The following WNT7B variants were observed in gnomAD, a reference collection of about 807,000 sequenced individuals.
WNT7B encodes the protein Wnt family member 7B.
WNT7B carries 19 observed loss-of-function variants against 38.2 expected under a neutral mutation model. That is an observed-to-expected ratio of 0.50 (90% confidence interval 0.35 to 0.73). The LOEUF is 0.73. WNT7B is among the 30% of genes least tolerant of loss of function. The pLI is 0.01. For missense variants in WNT7B, 423 were observed against 507.9 expected, an observed-to-expected ratio of 0.83 and a Z score of 1.61; for synonymous variants, 243 against 209.3, an observed-to-expected ratio of 1.16 and a Z score of -1.39.
rs1013904530 is a variant in WNT7B, at chr22:45,970,990, GCAT to G, written c.71+5691_71+5693del. Among the ~76,000 whole-genome samples the G allele has an allele frequency of 5.6e-4, 85 of 152,390 alleles. 1 individual carries two copies. Among genetic ancestry groups the G allele is most frequent in the African/African-American group, 1.9e-3 (80 of 41,596 alleles). ...AGCCCGGGAAACCGCGGGCCTCGCA[GCAT>G]CTGGCTGCGGTTGCGAACTTTTGTT... On this transcript the variant is annotated intron_variant, in intron 1 of 3. Coordinates refer to ENST00000339464, the MANE Select transcript of WNT7B (RefSeq NM_058238.3).
intron 1 of WNT7B, 86 bp from the exon 2 acceptor site, chr22:45,950,232 T>TC: frequency 1.7e-6 from 2 of 1,194,262 alleles, no homozygotes; most frequent in Non-Finnish European, 2.4e-6. Flanking sequence ...ACTCAGCCTC[T>TC]CAGTCACAGG....
intron 2 of WNT7B, among the ~76,000 whole-genome samples, chr22:45,938,898 C>T (rs538592954): frequency 6.6e-6 from 1 of 152,208 alleles, no homozygotes; most frequent in East Asian, 1.9e-4. Context: ...TGTAATATTA[C>T]GTATTAATTT....
At chr22:45,932,097 T>C (rs1343746105) in intron 2 of WNT7B, among the ~76,000 whole-genome samples, 2 of 152,058 alleles carry the variant, frequency 1.3e-5, no homozygotes, top group African/African-American at 4.8e-5. Flanking sequence ...CTGCTTCATC[T>C]CCCCAGCCAC....
intron 1 of WNT7B, among the ~76,000 whole-genome samples, chr22:45,971,544 G>A (rs113045966): frequency 6.6e-6 from 1 of 152,304 alleles, no homozygotes; most frequent in African/African-American, 2.4e-5. Flanking sequence ...GGGCGAACGC[G>A]GCCGCCAGCA....
At chr22:45,946,515 G>A (rs993013025) in intron 2 of WNT7B, among the ~76,000 whole-genome samples, 2 of 152,200 alleles carry the variant, frequency 1.3e-5, no homozygotes, top group African/African-American at 4.8e-5. Flanking sequence ...CTGCTCGGCT[G>A]GGGACAGTCA....
At chr22:45,952,096 C>T (rs1218900835) in intron 1 of WNT7B, among the ~76,000 whole-genome samples, 1 of 152,140 alleles carries the variant, frequency 6.6e-6, no homozygotes, top group African/African-American at 2.4e-5. Flanking sequence ...ACAGATCAGG[C>T]CTGTTTAGTG....
At chr22:45,927,185 TGCCAGGGGCAGA>T (rs1931111777) in intron 3 of WNT7B, 3 of 985,426 alleles carry the variant, frequency 3.0e-6, no homozygotes, top group Non-Finnish European at 3.6e-6. Context: ...GGGGACCATG[TGCCAGGGGCAGA>T]GCTGGGGGCC....
At chr22:45,972,116 G>GGGGGGCCCCCCC in intron 1 of WNT7B, 17 of 530,712 alleles carry the variant, frequency 3.2e-5, no homozygotes, top group East Asian at 7.4e-5. Context: ...CCCGGGGGGA[G>GGGGGGCCCCCCC]CCCACCCGCC....
intron 1 of WNT7B, among the ~76,000 whole-genome samples, chr22:45,968,209 A>G (rs890723874): frequency 3.3e-5 from 5 of 151,868 alleles, no homozygotes; most frequent in East Asian, 1.9e-4. Flanking sequence ...TCTGAGAGTC[A>G]TCTCCTCTGG....
intron 2 of WNT7B, among the ~76,000 whole-genome samples, chr22:45,941,701 G>C (rs947575698): frequency 6.6e-6 from 1 of 152,072 alleles, no homozygotes; most frequent in Non-Finnish European, 1.5e-5. Flanking sequence ...ACTCAAGCCT[G>C]GCCCCGCGAA....
intron 2 of WNT7B, 121 bp from the exon 3 acceptor site, chr22:45,931,490 CG>C (rs1162720254): frequency 8.3e-7 from 1 of 1,209,406 alleles, no homozygotes; most frequent in African/African-American, 1.5e-5. Context: ...CTGGGCTCAT[CG>C]CTCGCCCCCT....
rs1280943796 is a variant in WNT7B, at chr22:45,920,688, G to T, written c.*2168C>A. ...GGAATAGGGATGAGGGATGGGATGGGGGATGGGGTCAGGGATGGGATGGGG... is the reference window on the plus strand; with the variant it reads ...GGAATAGGGATGAGGGATGGGATGGTGGATGGGGTCAGGGATGGGATGGGG... On this transcript the variant is annotated 3_prime_UTR_variant, in exon 4 of 4. Coordinates refer to ENST00000339464, the MANE Select transcript of WNT7B (RefSeq NM_058238.3). The T allele has an allele frequency of 8.1e-5, 10 of 123,632 alleles. No homozygotes were observed. The highest frequency in any genetic ancestry group is 4.0e-4 in the African/African-American group (10 of 25,138). The allele number at this position is 123,632 out of a possible 1,614,324, so 7.7% of individuals were successfully genotyped here.
At chr22:45,941,509 CAAAAAAAAAA>C (rs1166391533) in intron 2 of WNT7B, among the ~76,000 whole-genome samples, 1 of 79,288 alleles carries the variant, frequency 1.3e-5, no homozygotes, top group East Asian at 4.5e-4. Flanking sequence ...GCCTTTGTCT[CAAAAAAAAAA>C]AAAAAAAAAA....
At chr22:45,934,327 C>T (rs1434511750) in intron 2 of WNT7B, among the ~76,000 whole-genome samples, 1 of 152,180 alleles carries the variant, frequency 6.6e-6, no homozygotes, top group Non-Finnish European at 1.5e-5. Flanking sequence ...ATGCAGCCCC[C>T]AGGGAAGATG....
At position 45,976,739 on chromosome 22, in the gene WNT7B, G is replaced by A. The variant is rs1448994723; in HGVS notation, c.16C>T (p.Arg6Cys). The change falls in exon 1 of 4, where the codon CGC becomes TGC. Residue 6 changes from arginine (R) to cysteine (C), a missense_variant. Physicochemically the swap from Arg to Cys is radical, Grantham distance 180. This residue lies in a region of WNT7B where 133 missense variants were observed against 179.8 expected (regional missense o/e 0.74). Transcript: ENST00000339464. The surrounding 1 kb of genome is among the most constrained non-coding windows in gnomAD (Gnocchi z 8.5). Reference protein sequence around the residue: MHRNFRKWIFYVFLCF... With the variant: MHRNFCKWIFYVFLCF... ...AGAAACACGTAGAAAATCCACTTGCGAAAGTTTCTGTGCATGATCCAGGGA... is the reference window on the plus strand; with the variant it reads ...AGAAACACGTAGAAAATCCACTTGCAAAAGTTTCTGTGCATGATCCAGGGA... The A allele has an allele frequency of 6.2e-7, 1 of 1,609,456 alleles. No homozygotes were observed. The highest frequency in any genetic ancestry group is 1.7e-4 in the Middle Eastern group (1 of 6,048).
chr22:45,956,752 C>T (rs1569121890), intron 1 of WNT7B, among the ~76,000 whole-genome samples: 1 of 152,220 alleles, frequency 6.6e-6, no homozygotes, highest in South Asian at 2.1e-4. Context: ...CACGGATGGG[C>T]CTCACAGACA....
chr22:45,956,848 C>A (rs541586519), intron 1 of WNT7B, among the ~76,000 whole-genome samples: 1 of 152,306 alleles, frequency 6.6e-6, no homozygotes, highest in Admixed American at 6.5e-5. Flanking sequence ...TGGCTCACGC[C>A]TGTAATCCCA....
intron 2 of WNT7B, among the ~76,000 whole-genome samples, chr22:45,948,857 T>TCC (rs1206673572): frequency 1.8e-5 from 2 of 114,100 alleles, no homozygotes; most frequent in Non-Finnish European, 3.5e-5. Context: ...TTTTTTTTTT[T>TCC]CCCCTGAGAC....
At chr22:45,923,590 C>T (rs1337104567) in intron 3 of WNT7B, among the ~76,000 whole-genome samples, 6 of 152,194 alleles carry the variant, frequency 3.9e-5, no homozygotes, top group African/African-American at 9.6e-5. Context: ...GCCTGCTGTA[C>T]ATTTATTGAA....
Sources: allele counts gnomAD v4.1 joint callset (sites outside exome capture counted in the v4.1 genomes callset), GRCh38; gene constraint gnomAD v4.1.1; regional missense constraint gnomAD v4.1.1; non-coding constraint Gnocchi (gnomAD v3.1); transcripts MANE v1.5; gene names NCBI Gene and HGNC (gene_info 2026-07-23, HGNC 2026-07-21).